The following ST6GALNAC3 variants were observed in gnomAD, a reference collection of about 807,000 sequenced individuals.
ST6GALNAC3 encodes the protein alpha-N-acetylgalactosaminide alpha-2,6-sialyltransferase 3.
Under a neutral mutation model 32.7 loss-of-function variants are expected in ST6GALNAC3, and 25 were observed. The observed-to-expected ratio is 0.76, with a 90% confidence interval of 0.56 to 1.07. ST6GALNAC3 has a LOEUF of 1.07. Among genes scored for constraint, ST6GALNAC3 ranks in the 50% least tolerant of loss-of-function variants. The probability of loss-of-function intolerance (pLI) is 0.00; values close to 1 mark genes in which losing one functional copy is unlikely to be tolerated. For synonymous variants in ST6GALNAC3, 129 were observed against 133.1 expected (o/e 0.97, Z 0.21); for missense variants, 355 against 382.4 (o/e 0.93, Z 0.60).
At chr1:76,305,880 G>A (rs1371457135) in intron 1 of ST6GALNAC3, 3 of 517,494 alleles carry the variant, frequency 5.8e-6, no homozygotes, top group South Asian at 4.2e-5. Context: ...GGAGAAAATG[G>A]TAAAGATGAC....
chr1:76,166,549 A>G lies in ST6GALNAC3; in HGVS notation c.18+91665A>G, dbSNP rs1007276453. Among the ~76,000 whole-genome samples, 11 of 152,320 alleles carry G rather than the reference A, an allele frequency of 7.2e-5. No individual in the cohort carries two copies. The South Asian group carries it at 1.9e-3, about 26-fold the overall frequency. ...TAGTTCTGTGAAGAATGTCAATGCTAGTTTAACAGGAATAGCATTGAATCT... is the reference window on the plus strand; with the variant it reads ...TAGTTCTGTGAAGAATGTCAATGCTGGTTTAACAGGAATAGCATTGAATCT... On this transcript the variant is annotated intron_variant, in intron 1 of 4. Transcript: ENST00000328299.
chr1:76,288,788 G>C (rs1418123282), intron 1 of ST6GALNAC3, among the ~76,000 whole-genome samples: 1 of 152,194 alleles, frequency 6.6e-6, no homozygotes, highest in South Asian at 2.1e-4. Context: ...AAACACAGGT[G>C]ATGGTCAGAG....
chr1:76,133,525 G>C (rs1047642229), intron 1 of ST6GALNAC3, among the ~76,000 whole-genome samples: 2 of 152,172 alleles, frequency 1.3e-5, no homozygotes. Context: ...CCAGTCTAAG[G>C]GAAGATTTGG....
chr1:76,497,513 C>G (rs961416399), intron 3 of ST6GALNAC3, among the ~76,000 whole-genome samples: 1 of 152,202 alleles, frequency 6.6e-6, no homozygotes, highest in Admixed American at 6.5e-5. Flanking sequence ...TATTCACTTT[C>G]ACTGAGATGA....
chr1:76,440,162 T>C (rs1656442843), intron 3 of ST6GALNAC3, among the ~76,000 whole-genome samples: 3 of 152,136 alleles, frequency 2.0e-5, no homozygotes. Context: ...ATAACCTGAG[T>C]AAAGAGACGA....
chr1:76,308,617 A>T (rs1661209275), intron 1 of ST6GALNAC3, among the ~76,000 whole-genome samples: 1 of 152,166 alleles, frequency 6.6e-6, no homozygotes, highest in Admixed American at 6.6e-5. Context: ...CTAAGTGTTG[A>T]TGGACTCAAA....
At chr1:76,208,791 T>C (rs1654976909) in intron 1 of ST6GALNAC3, among the ~76,000 whole-genome samples, 1 of 152,220 alleles carries the variant, frequency 6.6e-6, no homozygotes, top group African/African-American at 2.4e-5. Flanking sequence ...GCATCATCAA[T>C]ACTTTTCATA....
At chr1:76,486,703 T>C (rs935043778) in intron 3 of ST6GALNAC3, among the ~76,000 whole-genome samples, 1 of 152,194 alleles carries the variant, frequency 6.6e-6, no homozygotes, top group Non-Finnish European at 1.5e-5. Context: ...TGTCTTTTAA[T>C]TGGGGCATTT....
At chr1:76,164,634 A>G (rs1239265566) in intron 1 of ST6GALNAC3, among the ~76,000 whole-genome samples, 1 of 152,170 alleles carries the variant, frequency 6.6e-6, no homozygotes, top group Non-Finnish European at 1.5e-5. Flanking sequence ...GGATTTTAAA[A>G]CATTAATATC....
intron 1 of ST6GALNAC3, among the ~76,000 whole-genome samples, chr1:76,205,788 C>G (rs1330484724): frequency 1.3e-5 from 2 of 152,128 alleles, no homozygotes; most frequent in East Asian, 3.9e-4. Flanking sequence ...GAATACCTGG[C>G]AGTAAGTACT....
intron 2 of ST6GALNAC3, among the ~76,000 whole-genome samples, chr1:76,377,460 CAG>C (rs112217624): frequency 6.7e-6 from 1 of 150,346 alleles, no homozygotes; most frequent in Admixed American, 6.6e-5. Context: ...CTTCACAGGG[CAG>C]AGAGAGAGAG....
chr1:76,117,386 T>C (rs1648550663), intron 1 of ST6GALNAC3, among the ~76,000 whole-genome samples: 1 of 152,228 alleles, frequency 6.6e-6, no homozygotes, highest in Non-Finnish European at 1.5e-5. Flanking sequence ...ACTTACGGAC[T>C]TGAGTGTAAA....
intron 1 of ST6GALNAC3, among the ~76,000 whole-genome samples, chr1:76,273,583 A>ATT (rs59692962): frequency 6.6e-6 from 1 of 151,188 alleles, no homozygotes; most frequent in African/African-American, 2.4e-5. Flanking sequence ...AATGAAAACC[A>ATT]TTTTTTTTTG....
intron 1 of ST6GALNAC3, among the ~76,000 whole-genome samples, chr1:76,159,858 C>G (rs1651706576): frequency 6.6e-6 from 1 of 152,156 alleles, no homozygotes. Context: ...ATCAACCCTA[C>G]AAAGGAATTA....
chr1:76,483,036 C>A (rs1162562713), intron 3 of ST6GALNAC3, among the ~76,000 whole-genome samples: 1 of 152,076 alleles, frequency 6.6e-6, no homozygotes, highest in Admixed American at 6.5e-5. Flanking sequence ...TCATCCATGT[C>A]CCTACAAAGG....
rs199721572 is a variant in ST6GALNAC3 at position 76,525,791 on chromosome 1, G to GTATATATATATATATATATA, written c.624-101643_624-101624dup. ...TGTGTTTGTGTGTGTGTGTGTGTGT[G>GTATATATATATATATATATA]TATATATATATATATATATATATAT... On this transcript the variant is annotated intron_variant, in intron 3 of 4. Transcript: ENST00000328299. Among the ~76,000 whole-genome samples the GTATATATATATATATATATA allele has an allele frequency of 1.3e-4, 10 of 75,526 alleles. 1 individual carries two copies. The highest frequency in any genetic ancestry group is 1.8e-4 in the Non-Finnish European group (6 of 33,074). 49.5% of individuals were successfully genotyped at this position (75,526 alleles called of 152,430 possible).
chr1:76,470,828 G>A (rs920395727), intron 3 of ST6GALNAC3, among the ~76,000 whole-genome samples: 6 of 152,064 alleles, frequency 3.9e-5, no homozygotes, highest in African/African-American at 1.2e-4. Context: ...TGAGCACAGG[G>A]CGGGAATTCT....
chr1:76,515,827 A>C (rs1662139073), intron 3 of ST6GALNAC3, among the ~76,000 whole-genome samples: 1 of 152,158 alleles, frequency 6.6e-6, no homozygotes, highest in African/African-American at 2.4e-5. Context: ...TGTAGACTGC[A>C]GTATCATTTA....
intron 3 of ST6GALNAC3, among the ~76,000 whole-genome samples, chr1:76,435,820 A>G (rs895971101): frequency 6.6e-6 from 1 of 152,020 alleles, no homozygotes; most frequent in Admixed American, 6.5e-5. Flanking sequence ...GCAACCAACA[A>G]CAGACCTATC....
Sources: allele counts gnomAD v4.1 joint callset (sites outside exome capture counted in the v4.1 genomes callset), GRCh38; gene constraint gnomAD v4.1.1; transcripts MANE v1.5; gene names NCBI Gene and HGNC (gene_info 2026-07-23, HGNC 2026-07-21).